Variants in RHOQ observed in about 807,000 individuals in gnomAD.
RHOQ encodes the protein rho-related GTP-binding protein RhoQ.
A neutral mutation model predicts 25.8 loss-of-function variants in RHOQ; 7 were observed. The observed-to-expected ratio is 0.27, with a 90% confidence interval of 0.15 to 0.51. RHOQ has a LOEUF of 0.51. RHOQ is among the 20% of genes least tolerant of loss of function. The pLI, the probability that RHOQ is intolerant of heterozygous loss-of-function variation, is 0.97. For synonymous variants in RHOQ, 97 were observed against 98.6 expected (o/e 0.98, Z 0.10); for missense variants, 165 against 260.6 (o/e 0.63, Z 2.53).
rs1350336715 is a variant in RHOQ at position 46,548,706 on chromosome 2, C to T, written c.201+4894C>T. 2.0e-5 allele frequency among the ~76,000 whole-genome samples: 3 copies of T among 152,152 alleles called. No homozygotes were observed. The highest frequency in any genetic ancestry group is 2.9e-5 in the Non-Finnish European group (2 of 68,026). ...CAGGGTTCCTTCCAGGCATCAGCTG[C>T]AACAGGTGAGATGCTGGCACTGAGC... is the stretch of plus-strand genomic sequence containing the variant. On this transcript the variant is annotated intron_variant, in intron 2 of 4. Coordinates refer to ENST00000238738, the MANE Select transcript of RHOQ (RefSeq NM_012249.4). This position sits in a 1 kb window ranked among gnomAD's most constrained non-coding sequence, Gnocchi z 5.2.
rs924191242 is a variant in RHOQ, at chr2:46,556,405, C to G, written c.201+12593C>G. Among the ~76,000 whole-genome samples the G allele has an allele frequency of 6.6e-6, 1 of 152,098 alleles. No homozygotes were observed. Among genetic ancestry groups the G allele is most frequent in the Admixed American group, 6.5e-5 (1 of 15,270 alleles). ...TGCTAGTTGTGCACTTGTGGTGCTG[C>G]CTTCGCCCCTGGCTCAGGTAGAGGC... On this transcript the variant is annotated intron_variant, in intron 2 of 4. Transcript: ENST00000238738. The surrounding 1 kb of genome is among the most constrained non-coding windows in gnomAD (Gnocchi z 4.9).
chr2:46,560,859 GGTGTTTTGAA>G (rs1668554164), intron 2 of RHOQ, among the ~76,000 whole-genome samples: 1 of 151,288 alleles, frequency 6.6e-6, no homozygotes, highest in African/African-American at 2.4e-5. Context: ...ATTAGATTTG[GGTGTTTTGAA>G]GTGTCTCAGT....
At position 46,543,736 on chromosome 2, in the gene RHOQ, C is replaced by T. The variant is rs1667930243; in HGVS notation, c.143-18C>T. ...TCACTGTGAGCTTCTCTCCCCGCCC[C>T]CACTTCTGTCCTTGCAGTCAGCGTC... On this transcript the variant is annotated intron_variant, in intron 1 of 4. Transcript: ENST00000238738. 6.2e-7 allele frequency: 1 copy of T among 1,611,620 alleles called. No homozygotes were observed.
At chr2:46,564,037 G>C (rs575195524) in intron 2 of RHOQ, among the ~76,000 whole-genome samples, 1 of 152,078 alleles carries the variant, frequency 6.6e-6, no homozygotes, top group Non-Finnish European at 1.5e-5. Flanking sequence ...GGATGCAGTA[G>C]CTCATGCCTA....
intron 2 of RHOQ, among the ~76,000 whole-genome samples, chr2:46,570,089 A>G (rs1225426143): frequency 2.0e-5 from 3 of 152,246 alleles, no homozygotes; most frequent in Non-Finnish European, 2.9e-5. Flanking sequence ...TGATATTTTC[A>G]TTTCACAAAG....
rs1158716088 is a variant in RHOQ, at chr2:46,555,051, G to A, written c.201+11239G>A. 6.6e-6 allele frequency among the ~76,000 whole-genome samples: 1 copy of A among 152,228 alleles called. No homozygotes were observed. Among genetic ancestry groups the A allele is most frequent in the Non-Finnish European group, 1.5e-5 (1 of 68,038 alleles). On this transcript the variant is annotated intron_variant, in intron 2 of 4. Transcript: ENST00000238738. This position sits in a 1 kb window ranked among gnomAD's most constrained non-coding sequence, Gnocchi z 4.3. ...CTTGGCCCTGGAGGAATGGGGAAGG[G>A]ACTGGACACGAGGAGGGACAGAGCA...
chr2:46,562,989 G>T lies in RHOQ; in HGVS notation c.202-13098G>T, dbSNP rs78255742. Among the ~76,000 whole-genome samples, 167 of 152,322 alleles carry T rather than the reference G, an allele frequency of 1.1e-3. 2 individuals carry two copies. The East Asian group carries it at 0.026, about 24-fold the overall frequency. ...TTATAAATTAGCAGCCAGCACATGT[G>T]TTAAGTGCCTTTCATACCTTAGCTC... On this transcript the variant is annotated intron_variant, in intron 2 of 4. Coordinates refer to ENST00000238738, the MANE Select transcript of RHOQ (RefSeq NM_012249.4).
Position 46,581,524 on chromosome 2 carries a change from A to T in RHOQ, c.*441A>T. ...TTGCTTTCTATTCCAGTATATCCAG[A>T]GTGGTGAAATAACAAGGCCAGCCAC... On this transcript the variant is annotated 3_prime_UTR_variant, in exon 5 of 5. Coordinates refer to ENST00000238738, the MANE Select transcript of RHOQ (RefSeq NM_012249.4). 6.2e-7 allele frequency: 1 copy of T among 1,611,622 alleles called. No homozygotes were observed. Among genetic ancestry groups the T allele is most frequent in the Non-Finnish European group, 8.5e-7 (1 of 1,179,606 alleles).
rs542799722 is a variant in RHOQ at position 46,556,006 on chromosome 2, A to C, written c.201+12194A>C. Among the ~76,000 whole-genome samples, 2 of 152,238 alleles carry C rather than the reference A, an allele frequency of 1.3e-5. No individual in the cohort carries two copies. Among genetic ancestry groups the C allele is most frequent in the South Asian group, 4.2e-4 (2 of 4,814 alleles). On this transcript the variant is annotated intron_variant, in intron 2 of 4. Coordinates refer to ENST00000238738, the MANE Select transcript of RHOQ (RefSeq NM_012249.4). This position sits in a 1 kb window ranked among gnomAD's most constrained non-coding sequence, Gnocchi z 4.9. ...TTTTATTTTTTGAGGCATAATTCAG[A>C]GAACACTTTCATCACCCCAGAACGA... is the stretch of plus-strand genomic sequence containing the variant.
chr2:46,559,566 T>A lies in RHOQ; in HGVS notation c.201+15754T>A, dbSNP rs569050396. 3.3e-5 allele frequency among the ~76,000 whole-genome samples: 5 copies of A among 152,260 alleles called. No homozygotes were observed. In the South Asian group the frequency reaches 1.0e-3, roughly 32 times the overall value. ...TGGATTGTTTGTTGTGGGGGGGCTG[T>A]CTTGTGCACTGTAGGTTGTTTAGCA... On this transcript the variant is annotated intron_variant, in intron 2 of 4. Coordinates refer to ENST00000238738, the MANE Select transcript of RHOQ (RefSeq NM_012249.4).
At chr2:46,557,603 A>T (rs938532312) in intron 2 of RHOQ, among the ~76,000 whole-genome samples, 9 of 152,168 alleles carry the variant, frequency 5.9e-5, no homozygotes, top group African/African-American at 2.2e-4. Flanking sequence ...TTACTTCTTT[A>T]TACTTTATTG....
chr2:46,584,445 T>C lies in RHOQ; in HGVS notation c.*3362T>C, dbSNP rs1669502406. On this transcript the variant is annotated 3_prime_UTR_variant, in exon 5 of 5. Transcript: ENST00000238738. ...CTAGATTCCAATTTGGGTTACTAAA[T>C]TGTATTTTAATCATTTTGTAATTTC... Among the ~76,000 whole-genome samples, 1 of 152,196 alleles carries C rather than the reference T, an allele frequency of 6.6e-6. No individual in the cohort carries two copies. Among genetic ancestry groups the C allele is most frequent in the Non-Finnish European group, 1.5e-5 (1 of 68,018 alleles).
intron 2 of RHOQ, among the ~76,000 whole-genome samples, chr2:46,546,466 ATATATATG>A (rs1430757831): frequency 7.0e-4 from 4 of 5,722 alleles, no homozygotes; most frequent in East Asian, 3.5e-3. Flanking sequence ...ATATATATAT[ATATATATG>A]TGTATATATA....
chr2:46,553,220 C>T (rs1038715423), intron 2 of RHOQ, among the ~76,000 whole-genome samples: 4 of 152,190 alleles, frequency 2.6e-5, no homozygotes, highest in African/African-American at 7.2e-5. Context: ...CTTTGCAACC[C>T]ATCTCCACCC....
chr2:46,558,600 A>G (rs926444217), intron 2 of RHOQ, among the ~76,000 whole-genome samples: 4 of 152,166 alleles, frequency 2.6e-5, no homozygotes, highest in African/African-American at 7.2e-5. Flanking sequence ...CTGAAATTTC[A>G]CAATCATAGG....
chr2:46,555,719 G>C lies in RHOQ; in HGVS notation c.201+11907G>C, dbSNP rs1668391646. On this transcript the variant is annotated intron_variant, in intron 2 of 4. Coordinates refer to ENST00000238738, the MANE Select transcript of RHOQ (RefSeq NM_012249.4). This position sits in a 1 kb window ranked among gnomAD's most constrained non-coding sequence, Gnocchi z 4.3. Reference sequence around the variant, plus strand: ...CTCCAGCAAGTCTAGACCTGTAGGAGTCCTTCACTGGGCTTTATGTCAGGT... The same window carrying C: ...CTCCAGCAAGTCTAGACCTGTAGGACTCCTTCACTGGGCTTTATGTCAGGT... 6.6e-6 allele frequency among the ~76,000 whole-genome samples: 1 copy of C among 152,212 alleles called. No individual in the cohort carries two copies. Among genetic ancestry groups the C allele is most frequent in the African/African-American group, 2.4e-5 (1 of 41,444 alleles).
At chr2:46,580,650 T>G in intron 4 of RHOQ, 1 of 250,804 alleles carries the variant, frequency 4.0e-6, no homozygotes, top group Non-Finnish European at 7.6e-6. Context: ...GACTCTGCTC[T>G]TTCGTTCAGT....
At chr2:46,544,055 G>T (rs1328720251) in intron 2 of RHOQ, among the ~76,000 whole-genome samples, 2 of 152,110 alleles carry the variant, frequency 1.3e-5, no homozygotes, top group African/African-American at 2.4e-5. Flanking sequence ...TGTGTGGGTC[G>T]TTCTGTGTGG....
chr2:46,563,535 G>A lies in RHOQ; in HGVS notation c.202-12552G>A, dbSNP rs569883485. The stretch of plus-strand genomic sequence containing the variant: ...GCTGGTGGGAAGAAGATAAAGGGAA[G>A]TAATACAGAATAGGCAGGGGAGGGG... On this transcript the variant is annotated intron_variant, in intron 2 of 4. Transcript: ENST00000238738. Among the ~76,000 whole-genome samples, 3 of 152,212 alleles carry A rather than the reference G, an allele frequency of 2.0e-5. No individual in the cohort carries two copies. In the South Asian group the frequency reaches 6.2e-4, roughly 32 times the overall value.
Sources: allele counts gnomAD v4.1 joint callset (sites outside exome capture counted in the v4.1 genomes callset), GRCh38; gene constraint gnomAD v4.1.1; non-coding constraint Gnocchi (gnomAD v3.1); transcripts MANE v1.5; gene names NCBI Gene and HGNC (gene_info 2026-07-23, HGNC 2026-07-21).